The following CDKL3 variants were observed in gnomAD, a reference collection of about 807,000 sequenced individuals.
CDKL3 encodes cyclin dependent kinase like 3.
In CDKL3, 65 loss-of-function variants were observed where a neutral mutation model predicts 69.3. The observed-to-expected ratio is 0.94, with a 90% CI of 0.77 to 1.15. The LOEUF (loss-of-function observed/expected upper bound fraction) is 1.15, where lower values mean the gene tolerates loss of function less well. CDKL3 is among the 50% of genes most tolerant of loss of function. The probability of loss-of-function intolerance (pLI) is 0.00; values close to 1 mark genes in which losing one functional copy is unlikely to be tolerated. For synonymous variants in CDKL3, 202 were observed against 221.6 expected, an observed-to-expected ratio of 0.91 and a Z score of 0.79; for missense variants, 652 against 689.2, an observed-to-expected ratio of 0.95 and a Z score of 0.61.
chr5:134,366,280 A>T, intron 2 of CDKL3, 79 bp downstream of exon 2: 2 of 988,292 alleles, frequency 2.0e-6, no homozygotes, highest in Non-Finnish European at 2.9e-6. Flanking sequence ...GTACGTGTGA[A>T]CTAAAATATT....
chr5:134,285,586 C>T (rs1764827780), downstream of CDKL3, among the ~76,000 whole-genome samples: 1 of 152,220 alleles, frequency 6.6e-6, no homozygotes, highest in East Asian at 1.9e-4. Context: ...GGAGGGGCTG[C>T]CGCAAACGTC....
At chr5:134,342,313 T>C (rs529912009) in intron 4 of CDKL3, among the ~76,000 whole-genome samples, 2 of 152,294 alleles carry the variant, frequency 1.3e-5, no homozygotes, top group Non-Finnish European at 2.9e-5. Flanking sequence ...GAAAAAATTA[T>C]GGAAGCCGGG....
chr5:134,290,418 G>A (rs577648979), intron 8 of CDKL3, among the ~76,000 whole-genome samples: 8 of 150,848 alleles, frequency 5.3e-5, no homozygotes, highest in Non-Finnish European at 8.8e-5. Flanking sequence ...GAAAGAAATC[G>A]TGTAGATGCA....
At chr5:134,367,248 T>C, upstream of CDKL3, 3 of 984,990 alleles carry the variant, frequency 3.0e-6, no homozygotes, top group South Asian at 4.7e-5. Flanking sequence ...AAACCTACTC[T>C]GGGTAGGCGC....
chr5:134,306,653 G>C lies in CDKL3; in HGVS notation c.1414C>G (p.Gln472Glu), dbSNP rs747832216. The C allele has an allele frequency of 6.3e-7, 1 of 1,582,512 alleles. No individual in the cohort carries two copies. Among genetic ancestry groups the C allele is most frequent in the Middle Eastern group, 1.7e-4 (1 of 5,948 alleles). ...TCTTGCCTGCTATTAGGCATAACTT[G>C]TCCAATAGATTGTGAAGAAGTGCGT... is the stretch of plus-strand genomic sequence containing the variant. ...KRRTSSQSIG[Q>E]VMPNSRQEDP... The change falls in exon 10 of 13, where the codon CAA (glutamine) becomes GAA (glutamate). Residue 472 changes from glutamine (Q) to glutamate (E), a missense_variant. By Grantham distance (29) the Gln-to-Glu change is conservative (BLOSUM62 2). Transcript: ENST00000265334.
intron 3 of CDKL3, among the ~76,000 whole-genome samples, chr5:134,355,811 T>C (rs1754461403): frequency 6.6e-6 from 1 of 152,178 alleles, no homozygotes; most frequent in African/African-American, 2.4e-5. Flanking sequence ...GCTAAGCCGC[T>C]CCATACTAAG....
chr5:134,315,709 A>C (rs1425203317), intron 6 of CDKL3, among the ~76,000 whole-genome samples: 1 of 152,180 alleles, frequency 6.6e-6, no homozygotes, highest in Non-Finnish European at 1.5e-5. Context: ...GTAATGACAT[A>C]AATACAATTT....
At chr5:134,362,588 A>C (rs1756317310) in intron 2 of CDKL3, among the ~76,000 whole-genome samples, 1 of 152,204 alleles carries the variant, frequency 6.6e-6, no homozygotes, top group Admixed American at 6.5e-5. Context: ...CTAGTCCAAG[A>C]AATCTCTCCA....
In CDKL3 at chr5:134,298,570, C is replaced by T; in HGVS notation, c.*81G>A. 1 of 1,544,492 alleles carries T rather than the reference C, an allele frequency of 6.5e-7. No individual in the cohort carries two copies. On this transcript the variant is annotated 3_prime_UTR_variant, in exon 13 of 13. Transcript: ENST00000265334. ...ATGGATGGCTGTCTTAACAACAACT[C>T]ACATCACACTTCTATTGTAGATAAA...
intron 2 of CDKL3, among the ~76,000 whole-genome samples, chr5:134,365,400 G>A (rs1231811303): frequency 1.3e-5 from 2 of 151,970 alleles, no homozygotes; most frequent in African/African-American, 2.4e-5. Context: ...GATTACAAGC[G>A]TGAGCCACCG....
chr5:134,292,329 C>T (rs1463515996), intron 8 of CDKL3, among the ~76,000 whole-genome samples: 4 of 151,930 alleles, frequency 2.6e-5, no homozygotes, highest in African/African-American at 7.3e-5. Flanking sequence ...ATTTGGAACA[C>T]CTCCAAATAG....
intron 6 of CDKL3, among the ~76,000 whole-genome samples, chr5:134,316,140 C>G (rs904497940): frequency 6.6e-6 from 1 of 152,048 alleles, no homozygotes; most frequent in South Asian, 2.1e-4. Flanking sequence ...TTTGTAAAGA[C>G]AGGGTCTCCC....
At chr5:134,336,182 T>C (rs913615759) in intron 4 of CDKL3, among the ~76,000 whole-genome samples, 2 of 152,222 alleles carry the variant, frequency 1.3e-5, no homozygotes, top group African/African-American at 4.8e-5. Context: ...TCAGGTCATT[T>C]AAGCTCTTCT....
At chr5:134,323,827 A>G (rs769441932) in intron 4 of CDKL3, among the ~76,000 whole-genome samples, 4 of 152,152 alleles carry the variant, frequency 2.6e-5, no homozygotes, top group Non-Finnish European at 5.9e-5. Flanking sequence ...TACAACACCA[A>G]AAGTATAATT....
downstream of CDKL3, among the ~76,000 whole-genome samples, chr5:134,295,576 G>C (rs1176639266): frequency 6.6e-6 from 1 of 152,178 alleles, no homozygotes; most frequent in Non-Finnish European, 1.5e-5. Context: ...GGCCACCAGG[G>C]AGTCTGTTAG....
At chr5:134,335,248 C>A (rs1006441094) in intron 4 of CDKL3, among the ~76,000 whole-genome samples, 1 of 151,802 alleles carries the variant, frequency 6.6e-6, no homozygotes, top group African/African-American at 2.4e-5. Flanking sequence ...CTGAATACAG[C>A]ACACTGATGG....
In CDKL3 at chr5:134,319,274, G is replaced by A. The variant is rs1425712701; in HGVS notation, c.792+84C>T. 3.8e-6 allele frequency: 4 copies of A among 1,041,054 alleles called. No individual in the cohort carries two copies. In the Admixed American group the frequency reaches 1.6e-4, roughly 42 times the overall value. 64.5% of individuals were successfully genotyped at this position (1,041,054 alleles called of 1,614,324 possible). A position where few individuals can be genotyped will look rare whatever the true frequency, so the allele number is the denominator to read the frequency against. ...TGACCTGGGAGTCAGAGGTTGCAGTGAGCCGAGATCACTCCACTGCACTAC... is the reference window on the plus strand; with the variant it reads ...TGACCTGGGAGTCAGAGGTTGCAGTAAGCCGAGATCACTCCACTGCACTAC... On this transcript the variant is annotated intron_variant, in intron 6 of 12. Coordinates refer to ENST00000265334, the MANE Select transcript of CDKL3 (RefSeq NM_001113575.2).
upstream of CDKL3, chr5:134,371,012 C>G (rs1758343183): frequency 5.9e-6 from 1 of 168,886 alleles, no homozygotes. Context: ...CTGAAACTCA[C>G]ATCCAGGCGA....
Position 134,366,961 on chromosome 5 carries a change from T to C in CDKL3, c.-22+16A>G. On this transcript the variant is annotated intron_variant, in intron 1 of 12. Transcript: ENST00000265334. ...TCTCGCCCGCAACTCAAACCACACG[T>C]CTTAGGATGCCGGACCGGCGTCACG... 1.0e-6 allele frequency: 1 copy of C among 989,804 alleles called. No homozygotes were observed. The highest frequency in any genetic ancestry group is 1.2e-6 in the Non-Finnish European group (1 of 832,758). 61.3% of individuals were successfully genotyped at this position (989,804 alleles called of 1,614,324 possible).
Sources: allele counts gnomAD v4.1 joint callset (sites outside exome capture counted in the v4.1 genomes callset), GRCh38; gene constraint gnomAD v4.1.1; transcripts MANE v1.5; gene names NCBI Gene and HGNC (gene_info 2026-07-23, HGNC 2026-07-21).